The following TRPM8 variants were observed in gnomAD, a reference collection of about 807,000 sequenced individuals.
The protein encoded by TRPM8 is transient receptor potential cation channel subfamily M member 8.
A neutral mutation model predicts 133.7 loss-of-function variants in TRPM8; 110 were observed. The observed-to-expected ratio is 0.82, with a 90% CI of 0.70 to 0.96. The LOEUF (loss-of-function observed/expected upper bound fraction) is 0.96, where lower values mean the gene tolerates loss of function less well. Ranked by LOEUF, TRPM8 falls within the 40% of genes least tolerant of loss-of-function variation. The pLI is 0.00. For missense variants in TRPM8, 1,291 were observed against 1,379.5 expected, an observed-to-expected ratio of 0.94 and a Z score of 1.02; for synonymous variants, 535 against 532.3, an observed-to-expected ratio of 1.01 and a Z score of -0.07.
chr2:233,984,859 G>A (rs191378901), intron 20 of TRPM8, among the ~76,000 whole-genome samples: 131 of 152,260 alleles, frequency 8.6e-4, no homozygotes, highest in Non-Finnish European at 1.2e-3. Context: ...CGAGGCAGAC[G>A]GATCACCTAA....
Position 234,019,077 on chromosome 2 carries a change from CTA to C in TRPM8, c.*1822_*1823del, listed in dbSNP as rs1004679467. On this transcript the variant is annotated 3_prime_UTR_variant, in exon 26 of 26. Transcript: ENST00000324695. ...AGGAGGAAATTTTAGAAGGAAGCTA[CTA>C]AAAGATCTAATTTGAAAAACTACAA... 6.6e-6 allele frequency: 1 copy of C among 151,978 alleles called. No individual in the cohort carries two copies. Among genetic ancestry groups the C allele is most frequent in the African/African-American group, 2.4e-5 (1 of 41,346 alleles). The allele number at this position is 151,978 out of a possible 1,614,324, so 9.4% of individuals were successfully genotyped here.
At chr2:234,012,868 T>G (rs946797908) in intron 24 of TRPM8, among the ~76,000 whole-genome samples, 7 of 152,132 alleles carry the variant, frequency 4.6e-5, no homozygotes, top group Non-Finnish European at 1.0e-4. Flanking sequence ...CTGTATCTAT[T>G]GAGATGATCA....
chr2:233,918,905 G>A (rs1033858612), intron 1 of TRPM8, among the ~76,000 whole-genome samples: 1 of 152,270 alleles, frequency 6.6e-6, no homozygotes, highest in African/African-American at 2.4e-5. Flanking sequence ...CCATTTTCAT[G>A]AATAATTGAT....
At chr2:233,958,184 A>G (rs1423043612) in intron 11 of TRPM8, among the ~76,000 whole-genome samples, 2 of 152,126 alleles carry the variant, frequency 1.3e-5, no homozygotes, top group Admixed American at 6.5e-5. Context: ...AGTTGCTGAT[A>G]GTTTTTTGAG....
At chr2:233,979,713 AT>A (rs762730321) in intron 17 of TRPM8, among the ~76,000 whole-genome samples, 29 of 152,112 alleles carry the variant, frequency 1.9e-4, no homozygotes, top group East Asian at 5.8e-4. Flanking sequence ...TTATGTGCAC[AT>A]TTTTTTTAAA....
Position 233,939,099 on chromosome 2 carries a change from G to T in TRPM8, c.450G>T (p.Gly150=). The change falls in exon 5 of 26, where the codon GGG becomes GGT. Residue 150 remains glycine (G), a synonymous_variant. Coordinates refer to ENST00000324695, the MANE Select transcript of TRPM8 (RefSeq NM_024080.5). Reference sequence around the variant, plus strand: ...CCAACCTGGTCATTTCTGTGACCGGGGGCGCCAAGAACTTCGCCCTGAAGC... The same window carrying T: ...CCAACCTGGTCATTTCTGTGACCGGTGGCGCCAAGAACTTCGCCCTGAAGC... ...KTPNLVISVT[G]GAKNFALKPR... is the part of the protein sequence containing the mutation. The T allele has an allele frequency of 6.2e-7, 1 of 1,614,128 alleles. No homozygotes were observed. The highest frequency in any genetic ancestry group is 8.5e-7 in the Non-Finnish European group (1 of 1,180,034).
At position 233,966,636 on chromosome 2, in the gene TRPM8, G is replaced by A. The variant is rs374046957; in HGVS notation, c.1906G>A (p.Asp636Asn). Residue 636 changes from aspartate to asparagine, a missense_variant, in exon 15 of 26, where the codon GAT becomes AAT. This residue lies in a region of TRPM8 where 963 missense variants were observed against 968.9 expected (regional missense o/e 0.99). Coordinates refer to ENST00000324695, the MANE Select transcript of TRPM8 (RefSeq NM_024080.5). ...GCTGTTCACTGAGTGTTACAGCAGC[G>A]ATGAAGACTTGGCAGAACAGCTGCT... is the stretch of plus-strand genomic sequence containing the variant. The part of the protein sequence containing the change: ...VELFTECYSS[D>N]EDLAEQLLVY... 22 of 1,613,968 alleles carry A rather than the reference G, an allele frequency of 1.4e-5. No individual in the cohort carries two copies. Among genetic ancestry groups the A allele is most frequent in the East Asian group, 4.5e-5 (2 of 44,890 alleles).
At position 233,917,444 on chromosome 2, in the gene TRPM8, A is replaced by C. The variant is rs780488318; in HGVS notation, c.-6+12A>C. The C allele has an allele frequency of 2.0e-5, 3 of 152,210 alleles. No individual in the cohort carries two copies. The highest frequency in any genetic ancestry group is 2.9e-5 in the Non-Finnish European group (2 of 68,040). The allele number at this position is 152,210 out of a possible 1,614,324, so 9.4% of individuals were successfully genotyped here. A position where few individuals can be genotyped will look rare whatever the true frequency, so the allele number is the denominator to read the frequency against. ...AACCGTCACTTAGGGTATGTCATCAACTTTTGCTTTTTGCTTCTCCTTAAA... is the reference window on the plus strand; with the variant it reads ...AACCGTCACTTAGGGTATGTCATCACCTTTTGCTTTTTGCTTCTCCTTAAA... On this transcript the variant is annotated intron_variant, in intron 1 of 25. Coordinates refer to ENST00000324695, the MANE Select transcript of TRPM8 (RefSeq NM_024080.5).
intron 17 of TRPM8, among the ~76,000 whole-genome samples, chr2:233,975,373 C>G (rs12692251): frequency 0.98 from 148,960 of 152,304 alleles, 72,863 homozygotes; most frequent in East Asian, 1. Flanking sequence ...AGCCCCACAG[C>G]CAGGAGCTCA....
chr2:233,970,256 G>A lies in TRPM8; in HGVS notation c.2185G>A (p.Ala729Thr). 6.2e-7 allele frequency: 1 copy of A among 1,614,166 alleles called. No individual in the cohort carries two copies. Among genetic ancestry groups the A allele is most frequent in the Non-Finnish European group, 8.5e-7 (1 of 1,180,036 alleles). Reference sequence around the variant, plus strand: ...CAAGAAGCTGCTTTGGTACTATGTGGCGTTCTTCACCTCCCCCTTCGTGGT... The same window carrying A: ...CAAGAAGCTGCTTTGGTACTATGTGACGTTCTTCACCTCCCCCTTCGTGGT... ...KHKKLLWYYV[A>T]FFTSPFVVFS... The change falls in exon 17 of 26, where the codon GCG becomes ACG. Residue 729 changes from alanine to threonine, a missense_variant. Coordinates refer to ENST00000324695, the MANE Select transcript of TRPM8 (RefSeq NM_024080.5).
chr2:233,945,308 G>A (rs1691014336), intron 6 of TRPM8, among the ~76,000 whole-genome samples: 1 of 152,154 alleles, frequency 6.6e-6, no homozygotes. Flanking sequence ...TGGGAACAAA[G>A]TATCCATTTA....
rs1691168486 is a variant in TRPM8, at chr2:233,951,342, A to T, written c.1140+1196A>T. On this transcript the variant is annotated intron_variant, in intron 9 of 25. Transcript: ENST00000324695. The stretch of plus-strand genomic sequence containing the variant: ...GATTGCATATTGACTGCCACTCTCA[A>T]CGTCATTTCCTGTGATGGATGGAAT... 2.0e-5 allele frequency among the ~76,000 whole-genome samples: 3 copies of T among 152,210 alleles called. No individual in the cohort carries two copies. The South Asian group carries it at 6.2e-4, about 32-fold the overall frequency.
At chr2:234,014,724 G>A in intron 25 of TRPM8, 70 bp downstream of exon 25, 1 of 524,412 alleles carries the variant, frequency 1.9e-6, no homozygotes, top group Non-Finnish European at 3.2e-6. Flanking sequence ...TTAAGATCAT[G>A]ATTTTTTCCT....
intron 21 of TRPM8, among the ~76,000 whole-genome samples, chr2:233,988,280 T>C (rs7605226): frequency 0.99 from 150,405 of 152,036 alleles, 74,405 homozygotes; most frequent in East Asian, 1. Context: ...CTGCCCAGTT[T>C]CTGCTTGCCC....
chr2:233,997,717 C>T (rs550032045), intron 22 of TRPM8, among the ~76,000 whole-genome samples: 2 of 152,280 alleles, frequency 1.3e-5, no homozygotes, highest in African/African-American at 2.4e-5. Flanking sequence ...ACACTCCACA[C>T]ACTAATGTCT....
intron 24 of TRPM8, among the ~76,000 whole-genome samples, chr2:234,010,267 T>C (rs913619678): frequency 6.6e-6 from 1 of 152,206 alleles, no homozygotes; most frequent in Non-Finnish European, 1.5e-5. Context: ...TTGTTTAGCA[T>C]AATGTCCTCC....
intron 9 of TRPM8, among the ~76,000 whole-genome samples, chr2:233,950,412 G>T (rs4663989): frequency 0.019 from 2,891 of 152,280 alleles, 91 homozygotes; most frequent in East Asian, 0.15. Context: ...TGTTCTTACT[G>T]GGATGTTGTA....
chr2:234,006,711 A>C, intron 22 of TRPM8, 142 bp from the exon 23 acceptor site: 2 of 580,766 alleles, frequency 3.4e-6, no homozygotes, highest in South Asian at 4.1e-5. Flanking sequence ...GTCACTAGGA[A>C]GTAACATCAG....
intron 1 of TRPM8, among the ~76,000 whole-genome samples, chr2:233,923,112 G>A (rs886281607): frequency 3.9e-5 from 6 of 151,946 alleles, no homozygotes; most frequent in African/African-American, 9.7e-5. Flanking sequence ...CTCGTGATCC[G>A]CCTGCCTCAG....
Sources: gnomAD v4.1 joint callset for allele counts (sites outside exome capture counted in the v4.1 genomes callset) on GRCh38, gnomAD v4.1.1 for gene constraint, gnomAD v4.1.1 regional missense constraint, MANE v1.5 for transcripts, NCBI Gene and HGNC (gene_info 2026-07-23, HGNC 2026-07-21) for gene names.